Variants in PI16 observed in about 807,000 individuals in gnomAD.
PI16 encodes peptidase inhibitor 16.
In PI16, 35 loss-of-function variants were observed where a neutral mutation model predicts 38.0. The observed-to-expected ratio is 0.92, with a 90% confidence interval of 0.70 to 1.22. The LOEUF (loss-of-function observed/expected upper bound fraction) is 1.22, where lower values mean the gene tolerates loss of function less well. PI16 is among the 50% of genes most tolerant of loss of function. PI16 has a pLI of 0.00. For missense variants in PI16, 572 were observed against 593.8 expected (o/e 0.96, Z 0.38); for synonymous variants, 275 against 252.9 (o/e 1.09, Z -0.83).
chr6:36,958,836 AG>A (rs1367519241), intron 1 of PI16, among the ~76,000 whole-genome samples: 18 of 152,224 alleles, frequency 1.2e-4, no homozygotes, highest in African/African-American at 3.9e-4. Context: ...TTTTCACATG[AG>A]GCTTTTAATA....
intron 1 of PI16, among the ~76,000 whole-genome samples, chr6:36,957,856 G>A (rs1245242550): frequency 2.0e-5 from 3 of 152,184 alleles, no homozygotes; most frequent in Non-Finnish European, 4.4e-5. Flanking sequence ...ATGCCCTACC[G>A]TGATGGCACT....
At chr6:36,953,724 G>A (rs368897473), upstream of PI16, among the ~76,000 whole-genome samples, 28 of 152,072 alleles carry the variant, frequency 1.8e-4, no homozygotes, top group East Asian at 3.9e-4. Context: ...TTCATGAACC[G>A]GTCATGGCCC....
chr6:36,957,940 C>A (rs1209763376), intron 1 of PI16, among the ~76,000 whole-genome samples: 1 of 152,250 alleles, frequency 6.6e-6, no homozygotes. Flanking sequence ...GCCCCTTTCC[C>A]ACTCCCAGTC....
Position 36,964,396 on chromosome 6 carries a change from T to C in PI16, c.*29T>C. On this transcript the variant is annotated 3_prime_UTR_variant, in exon 7 of 7. Coordinates refer to ENST00000373674, the MANE Select transcript of PI16 (RefSeq NM_153370.3). ...CTCTTGCCTTCTCAGGGTGAAGAGG[T>C]CAGCTGTCCTCCTGTCATCTTCCCC... is the stretch of plus-strand genomic sequence containing the variant. 1 of 157,952 alleles carries C rather than the reference T, an allele frequency of 6.3e-6. No individual in the cohort carries two copies. The highest frequency in any genetic ancestry group is 1.4e-5 in the Non-Finnish European group (1 of 70,748). 9.8% of individuals were successfully genotyped at this position (157,952 alleles called of 1,614,324 possible).
chr6:36,963,877 G>A lies in PI16; in HGVS notation c.1325G>A (p.Gly442Asp). Residue 442 changes from glycine to aspartate, a missense_variant, in exon 6 of 7, where the codon GGT becomes GAT. Gly to Asp is a moderately conservative substitution (Grantham distance 94). Transcript: ENST00000373674. ...SVVSGLNSGP[G>D]HVWGPLLGLL... ...GTGTCAGGGCTGAACTCGGGCCCTG[G>A]TCATGTGTGGGGCCCTCTCCTGGGA... 6.2e-7 allele frequency: 1 copy of A among 1,613,928 alleles called. No individual in the cohort carries two copies. Among genetic ancestry groups the A allele is most frequent in the Non-Finnish European group, 8.5e-7 (1 of 1,179,910 alleles).
At chr6:36,959,077 C>T (rs1279194024) in intron 1 of PI16, 68 bp from the exon 2 acceptor site, 2 of 1,399,930 alleles carry the variant, frequency 1.4e-6, no homozygotes, top group African/African-American at 1.4e-5. Flanking sequence ...ACGACCTCCT[C>T]GACCTTTTGC....
rs1323850195 is a variant in PI16 at position 36,963,969 on chromosome 6, C to T, written c.*18+7C>T. 1.2e-6 allele frequency: 2 copies of T among 1,601,704 alleles called. No homozygotes were observed. The highest frequency in any genetic ancestry group is 1.3e-5 in the African/African-American group (1 of 74,544). The stretch of plus-strand genomic sequence containing the variant: ...AAGGGGATACCACTCAAAGGCAAGG[C>T]CTGGTGAGGGGGGCCCTGGCCTCAT... On this transcript the variant is annotated splice_region_variant and intron_variant, in intron 6 of 6. Coordinates refer to ENST00000373674, the MANE Select transcript of PI16 (RefSeq NM_153370.3).
chr6:36,960,227 C>T (rs924704246), intron 2 of PI16, among the ~76,000 whole-genome samples: 2 of 152,028 alleles, frequency 1.3e-5, no homozygotes, highest in Non-Finnish European at 2.9e-5. Context: ...GAATGAAAGG[C>T]TTCAGGGAGA....
intron 1 of PI16, among the ~76,000 whole-genome samples, chr6:36,956,192 G>T (rs1763201765): frequency 6.6e-6 from 1 of 152,240 alleles, no homozygotes; most frequent in Non-Finnish European, 1.5e-5. Context: ...TCTAGGAAGA[G>T]CTCTGCACAC....
intron 2 of PI16, among the ~76,000 whole-genome samples, chr6:36,960,355 G>GTGTGTGTGTGTGTA (rs1763327320): frequency 6.6e-6 from 1 of 151,000 alleles, no homozygotes; most frequent in Admixed American, 6.6e-5. Flanking sequence ...GTGTGTGTGT[G>GTGTGTGTGTGTGTA]TGTGTGTGTA....
upstream of PI16, among the ~76,000 whole-genome samples, chr6:36,950,256 C>G (rs912178364): frequency 2.6e-5 from 4 of 152,174 alleles, no homozygotes; most frequent in Admixed American, 6.5e-5. The surrounding 1 kb of genome is among the most constrained non-coding windows in gnomAD (Gnocchi z 4.2). Context: ...AATTTGCCTA[C>G]TCTAGCTAGG....
upstream of PI16, among the ~76,000 whole-genome samples, chr6:36,954,069 G>C (rs1763146015): frequency 6.6e-6 from 1 of 152,214 alleles, no homozygotes; most frequent in Non-Finnish European, 1.5e-5. Context: ...TGCCTCCACA[G>C]GGGGCTGGTA....
At chr6:36,952,009 T>A (rs1583227654), upstream of PI16, among the ~76,000 whole-genome samples, 1 of 148,370 alleles carries the variant, frequency 6.7e-6, no homozygotes, top group South Asian at 2.1e-4. Context: ...TGTCTTTTTT[T>A]TTTTTTTCTT....
At chr6:36,955,831 G>A (rs1053964358) in intron 1 of PI16, among the ~76,000 whole-genome samples, 2 of 152,090 alleles carry the variant, frequency 1.3e-5, no homozygotes, top group Non-Finnish European at 2.9e-5. Flanking sequence ...GGTGAGAGGC[G>A]GGCTGTCTAT....
upstream of PI16, chr6:36,954,686 T>C (rs1583229326): frequency 6.6e-7 from 1 of 1,526,012 alleles, no homozygotes; most frequent in African/African-American, 1.4e-5. Flanking sequence ...CCAGCCAGGG[T>C]GGTGCTTGTG....
chr6:36,962,469 T>C lies in PI16; in HGVS notation c.593-466T>C, dbSNP rs1763395498. On this transcript the variant is annotated intron_variant, in intron 4 of 6. Transcript: ENST00000373674. The surrounding 1 kb of genome is among the most constrained non-coding windows in gnomAD (Gnocchi z 4.1). ...ACCAGAAGTAACGTTTCTTTTCTTT[T>C]CTTTTTTCTTTTTCTTTTTTTTGAC... 6.6e-6 allele frequency among the ~76,000 whole-genome samples: 1 copy of C among 152,192 alleles called. No individual in the cohort carries two copies. Among genetic ancestry groups the C allele is most frequent in the African/African-American group, 2.4e-5 (1 of 41,470 alleles).
Position 36,959,068 on chromosome 6 carries a change from C to T in PI16, c.172-77C>T, listed in dbSNP as rs143255566. On this transcript the variant is annotated intron_variant, in intron 1 of 6. Transcript: ENST00000373674. Reference sequence around the variant, plus strand: ...AGGAGGTGCCGGAAGGATTTCCCCACGACCTCCTCGACCTTTTGCTTGGTC... The same window carrying T: ...AGGAGGTGCCGGAAGGATTTCCCCATGACCTCCTCGACCTTTTGCTTGGTC... 6.4e-4 allele frequency: 830 copies of T among 1,299,306 alleles called. 8 individuals carry two copies. The highest frequency in any genetic ancestry group is 2.0e-3 in the Middle Eastern group (9 of 4,596). The allele number at this position is 1,299,306 out of a possible 1,614,324, so 80.5% of individuals were successfully genotyped here.
At chr6:36,958,926 T>G (rs1016328631) in intron 1 of PI16, among the ~76,000 whole-genome samples, 3 of 152,084 alleles carry the variant, frequency 2.0e-5, no homozygotes, top group Non-Finnish European at 4.4e-5. Context: ...ATCCGTGCAG[T>G]CACACAGCTG....
rs1763435866 is a variant in PI16, at chr6:36,963,632, T to C, written c.1270+20T>C. The C allele has an allele frequency of 1.2e-6, 2 of 1,606,112 alleles. No individual in the cohort carries two copies. The highest frequency in any genetic ancestry group is 1.1e-5 in the South Asian group (1 of 90,260). ...TGCCAGGTAAGGCCCATAGCATCTG[T>C]CCCACTTTCCTCCTGGCTCTGGAAT... On this transcript the variant is annotated intron_variant, in intron 5 of 6. Coordinates refer to ENST00000373674, the MANE Select transcript of PI16 (RefSeq NM_153370.3).
Sources: gnomAD v4.1 joint callset for allele counts (sites outside exome capture counted in the v4.1 genomes callset) on GRCh38, gnomAD v4.1.1 for gene constraint, Gnocchi (gnomAD v3.1) non-coding constraint, MANE v1.5 for transcripts, NCBI Gene and HGNC (gene_info 2026-07-23, HGNC 2026-07-21) for gene names.